The following CEP192 variants were observed in gnomAD, a reference collection of about 807,000 sequenced individuals.
CEP192 encodes the protein centrosomal protein 192, also known as centrosomal protein of 192 kDa.
Under a neutral mutation model 271.8 loss-of-function variants are expected in CEP192, and 151 were observed. That is an observed-to-expected ratio of 0.56 (90% CI 0.49 to 0.64). The LOEUF (loss-of-function observed/expected upper bound fraction) is 0.64. Ranked by LOEUF, CEP192 falls within the 30% of genes least tolerant of loss-of-function variation. The probability of loss-of-function intolerance (pLI) is 0.00; values close to 1 mark genes in which losing one functional copy is unlikely to be tolerated. For synonymous variants in CEP192, 995 were observed against 1,076.5 expected (o/e 0.92, Z 1.48); for missense variants, 2,910 against 3,020.5 (o/e 0.96, Z 0.86).
chr18:13,053,195 G>C, intron 18 of CEP192, 105 bp downstream of exon 18: 1 of 911,884 alleles, frequency 1.1e-6, no homozygotes, highest in Non-Finnish European at 1.6e-6. Flanking sequence ...CTTCAGTGTT[G>C]CTCTTTTATC....
intron 11 of CEP192, among the ~76,000 whole-genome samples, chr18:13,034,146 A>C (rs1041013582): frequency 6.6e-6 from 1 of 152,198 alleles, no homozygotes; most frequent in Non-Finnish European, 1.5e-5. Context: ...ATAAAAAATG[A>C]TAACGGAAAG....
In CEP192 at chr18:13,113,642, T is replaced by C; in HGVS notation, c.7104T>C (p.Val2368=). 6.2e-7 allele frequency: 1 copy of C among 1,613,548 alleles called. No homozygotes were observed. Among genetic ancestry groups the C allele is most frequent in the Non-Finnish European group, 8.5e-7 (1 of 1,179,568 alleles). ...GRGDYAQFWD[V]ECHPLKEPHM... ...GGGATTATGCCCAGTTTTGGGATGT[T>C]GAATGTCACCCTCTTAAGGAGCCTC... Residue 2368 remains valine, a synonymous_variant, in exon 41 of 45, where the codon GTT becomes GTC. Transcript: ENST00000506447.
At chr18:13,108,919 G>A (rs2040080113) in intron 40 of CEP192, among the ~76,000 whole-genome samples, 1 of 152,104 alleles carries the variant, frequency 6.6e-6, no homozygotes, top group Admixed American at 6.6e-5. Flanking sequence ...ATGCTAGCAA[G>A]GCTGCAGAGA....
Position 13,114,191 on chromosome 18 carries a change from T to G in CEP192, c.7229T>G (p.Ile2410Arg). Residue 2410 changes from isoleucine (I) to arginine (R), a missense_variant, in exon 42 of 45, where the codon ATA becomes AGA. Transcript: ENST00000506447. ...ACLSTDSLIKIDHLVKPRRQA... is the reference protein window; with the variant it reads ...ACLSTDSLIKRDHLVKPRRQA... ...CTTTCCACGGATTCCCTCATTAAAA[T>G]AGATCATTTAGTTAAGCCCCGAAGA... The G allele has an allele frequency of 6.2e-7, 1 of 1,614,092 alleles. No individual in the cohort carries two copies. Among genetic ancestry groups the G allele is most frequent in the Non-Finnish European group, 8.5e-7 (1 of 1,179,994 alleles).
At chr18:13,050,390 C>G (rs7236710) in intron 17 of CEP192, among the ~76,000 whole-genome samples, 45,564 of 151,802 alleles carry the variant, frequency 0.3, 7,116 homozygotes, top group Admixed American at 0.38. Context: ...TTCAAAGATA[C>G]CTATTAACTA....
At chr18:13,031,209 T>G (rs1449907819) in intron 11 of CEP192, among the ~76,000 whole-genome samples, 1 of 151,206 alleles carries the variant, frequency 6.6e-6, no homozygotes, top group Non-Finnish European at 1.5e-5. Flanking sequence ...GGAGCCACGC[T>G]GCTCAGGGGC....
chr18:13,018,343 CTCGTGGTG>C, intron 7 of CEP192, 129 bp from the exon 8 acceptor site: 1 of 507,844 alleles, frequency 2.0e-6, no homozygotes. Flanking sequence ...ATTGATTACT[CTCGTGGTG>C]ACAATGGCGA....
chr18:13,050,336 C>A (rs1484731093), intron 17 of CEP192, among the ~76,000 whole-genome samples: 1 of 152,070 alleles, frequency 6.6e-6, no homozygotes, highest in Non-Finnish European at 1.5e-5. Context: ...GCAAAATTAT[C>A]AAAAATGTTA....
chr18:13,085,910 G>GTT (rs199803427), intron 30 of CEP192, among the ~76,000 whole-genome samples: 3 of 149,942 alleles, frequency 2.0e-5, no homozygotes, highest in Non-Finnish European at 4.5e-5. Flanking sequence ...CTTTAAAGTA[G>GTT]TTTTTTTTTT....
intron 38 of CEP192, among the ~76,000 whole-genome samples, chr18:13,101,575 C>T (rs1018916068): frequency 6.6e-6 from 1 of 152,112 alleles, no homozygotes; most frequent in African/African-American, 2.4e-5. Context: ...GCAGTGTTGT[C>T]GGGGGACCTG....
rs546257702 is a variant in CEP192 at position 13,109,446 on chromosome 18, G to C, written c.7048-4140G>C. Among the ~76,000 whole-genome samples, 14 of 152,204 alleles carry C rather than the reference G, an allele frequency of 9.2e-5. No homozygotes were observed. The South Asian group carries it at 2.1e-3, about 23-fold the overall frequency. On this transcript the variant is annotated intron_variant, in intron 40 of 44. Coordinates refer to ENST00000506447, the MANE Select transcript of CEP192 (RefSeq NM_032142.4). ...TATTGGGTACTATGCTCAGTACCTG[G>C]GTGATGGGATCATTCATACCTCAAA...
rs532088262 is a variant in CEP192 at position 13,068,983 on chromosome 18, G to C, written c.4954G>C (p.Asp1652His). The C allele has an allele frequency of 1.2e-6, 2 of 1,614,118 alleles. No homozygotes were observed. The highest frequency in any genetic ancestry group is 1.3e-5 in the African/African-American group (1 of 75,016). ...AGIARIHAPRDLQTMHFLAKV... is the reference protein window; with the variant it reads ...AGIARIHAPRHLQTMHFLAKV... ...AATAGCTAGGATCCATGCTCCCAGG[G>C]ACTTGCAGGTAGCCTCAGTCCTCCT... Residue 1652 changes from aspartate to histidine, a missense_variant, in exon 25 of 45, where the codon GAC (aspartate) becomes CAC (histidine). Physicochemically the swap from Asp to His is moderately conservative, Grantham distance 81. Transcript: ENST00000506447.
At chr18:13,078,103 A>G (rs146913182) in intron 30 of CEP192, among the ~76,000 whole-genome samples, 7,923 of 152,118 alleles carry the variant, frequency 0.052, 271 homozygotes, top group Non-Finnish European at 0.075. Context: ...ACCCCCTGAC[A>G]GGCCCCAGTG....
chr18:12,993,966 G>A (rs1355800983), intron 1 of CEP192, among the ~76,000 whole-genome samples: 2 of 152,202 alleles, frequency 1.3e-5, no homozygotes, highest in Non-Finnish European at 2.9e-5. Context: ...GAACAAGATA[G>A]ACATTTCCCC....
At chr18:12,996,213 G>T (rs942448764) in intron 1 of CEP192, among the ~76,000 whole-genome samples, 2 of 149,962 alleles carry the variant, frequency 1.3e-5, no homozygotes, top group East Asian at 2.0e-4. Flanking sequence ...AGCAGGGTTG[G>T]GGGGTAGGTT....
chr18:13,022,400 AGACGGAGTCT>A (rs2035044669), intron 9 of CEP192, among the ~76,000 whole-genome samples: 3 of 151,292 alleles, frequency 2.0e-5, no homozygotes, highest in Admixed American at 2.0e-4. Context: ...TTATTGTTTG[AGACGGAGTCT>A]CTCTCTGTCA....
chr18:13,034,630 A>G (rs921878543), intron 11 of CEP192, among the ~76,000 whole-genome samples: 2 of 151,594 alleles, frequency 1.3e-5, no homozygotes, highest in African/African-American at 4.8e-5. Context: ...ACATGGTGAA[A>G]CCCTGTCTCT....
At chr18:13,120,633 C>G (rs567837932) in intron 44 of CEP192, among the ~76,000 whole-genome samples, 10 of 152,230 alleles carry the variant, frequency 6.6e-5, no homozygotes, top group African/African-American at 1.9e-4. Context: ...AACTTTAATG[C>G]TTTGAAGATA....
rs1396687222 is a variant in CEP192, at chr18:13,040,890, A to G, written c.1870A>G (p.Lys624Glu). The G allele has an allele frequency of 6.2e-7, 1 of 1,607,188 alleles. No individual in the cohort carries two copies. Among genetic ancestry groups the G allele is most frequent in the Admixed American group, 1.7e-5 (1 of 59,912 alleles). Residue 624 changes from lysine to glutamate, a missense_variant, in exon 14 of 45, where the codon AAA becomes GAA. Transcript: ENST00000506447. ...GAGAGAACCTATTGCCTTAATAAGA[A>G]AATCTGATGTATCAAGAGGTAATTT... is the stretch of plus-strand genomic sequence containing the variant. Reference protein sequence around the residue: ...EKREPIALIRKSDVSRGNLEK... With the variant: ...EKREPIALIRESDVSRGNLEK...
Sources: allele counts gnomAD v4.1 joint callset (sites outside exome capture counted in the v4.1 genomes callset), GRCh38; gene constraint gnomAD v4.1.1; transcripts MANE v1.5; gene names NCBI Gene and HGNC (gene_info 2026-07-23, HGNC 2026-07-21).